The following PID1 variants were observed in gnomAD, a reference collection of about 807,000 sequenced individuals.
PID1 encodes PTB-containing, cubilin and LRP1-interacting protein.
Under a neutral mutation model 19.1 loss-of-function variants are expected in PID1, and 10 were observed. That is an observed-to-expected ratio of 0.52 (90% CI 0.32 to 0.89). The LOEUF is 0.89. Ranked by LOEUF, PID1 falls within the 40% of genes least tolerant of loss-of-function variation. PID1 has a pLI of 0.03. For missense variants in PID1, 248 were observed against 285.3 expected (o/e 0.87, Z 0.94); for synonymous variants, 130 against 116.0 (o/e 1.12, Z -0.78).
chr2:229,119,700 A>G (rs1161200298), intron 2 of PID1, among the ~76,000 whole-genome samples: 1 of 152,258 alleles, frequency 6.6e-6, no homozygotes. Context: ...AAGTTGACTA[A>G]GCAGCAGGCT....
chr2:229,116,039 C>A (rs1321233791), intron 2 of PID1, among the ~76,000 whole-genome samples: 1 of 151,800 alleles, frequency 6.6e-6, no homozygotes, highest in Non-Finnish European at 1.5e-5. Flanking sequence ...CTGGCTAACA[C>A]GGTAAAACCC....
intron 2 of PID1, among the ~76,000 whole-genome samples, chr2:229,153,300 C>G (rs558897313): frequency 1.1e-4 from 16 of 152,278 alleles, no homozygotes; most frequent in African/African-American, 3.9e-4. Flanking sequence ...GGTTTTCTTC[C>G]TTCAGATAGA....
intron 2 of PID1, among the ~76,000 whole-genome samples, chr2:229,148,569 G>C (rs1216286340): frequency 6.6e-6 from 1 of 152,122 alleles, no homozygotes; most frequent in East Asian, 1.9e-4. Context: ...GATTCTGCTA[G>C]GTCCTTGGTC....
At chr2:229,235,494 T>A (rs1692305514) in intron 1 of PID1, among the ~76,000 whole-genome samples, 1 of 92,470 alleles carries the variant, frequency 1.1e-5, no homozygotes, top group South Asian at 2.7e-4. Context: ...TATGTTTATG[T>A]GTTTTTTTTT....
chr2:229,088,576 C>A (rs572950672), intron 2 of PID1, among the ~76,000 whole-genome samples: 188 of 152,244 alleles, frequency 1.2e-3, no homozygotes, highest in Non-Finnish European at 2.0e-3. Flanking sequence ...TTGTTCTCAA[C>A]CTTCAGTCAT....
At chr2:229,166,964 AGGAAGGGGAAGGGGAAGG>A (rs57225131) in intron 1 of PID1, among the ~76,000 whole-genome samples, 26 of 145,998 alleles carry the variant, frequency 1.8e-4, no homozygotes, top group South Asian at 4.6e-4. Context: ...AAGAAAAGAA[AGGAAGGGGAAGGGGAAGG>A]GGAAGGGGAA....
intron 2 of PID1, among the ~76,000 whole-genome samples, chr2:229,084,875 A>C (rs1694735834): frequency 1.0e-5 from 1 of 100,008 alleles, no homozygotes; most frequent in Admixed American, 1.1e-4. Context: ...ACAGCGAGCA[A>C]GCAGTTAGGA....
At chr2:229,087,285 T>C (rs1049035825) in intron 2 of PID1, among the ~76,000 whole-genome samples, 2 of 152,156 alleles carry the variant, frequency 1.3e-5, no homozygotes, top group African/African-American at 4.8e-5. Flanking sequence ...ACTCAGCATA[T>C]TTTTAAGAGT....
chr2:229,077,888 G>A (rs1188645067), intron 2 of PID1, among the ~76,000 whole-genome samples: 1 of 152,150 alleles, frequency 6.6e-6, no homozygotes, highest in Non-Finnish European at 1.5e-5. Flanking sequence ...GGTTCCATGT[G>A]AAATTTAAAA....
At chr2:229,078,096 C>T (rs1694597624) in intron 2 of PID1, among the ~76,000 whole-genome samples, 1 of 152,130 alleles carries the variant, frequency 6.6e-6, no homozygotes, top group Non-Finnish European at 1.5e-5. Flanking sequence ...GTTTGTAGTT[C>T]TCCTTGAAGG....
chr2:229,229,402 A>C (rs1428879136), intron 1 of PID1, among the ~76,000 whole-genome samples: 3 of 152,140 alleles, frequency 2.0e-5, no homozygotes, highest in Non-Finnish European at 4.4e-5. Context: ...CCAAAAATAA[A>C]ATGTTTAAAA....
At chr2:229,044,492 C>T (rs1299775593) in intron 2 of PID1, among the ~76,000 whole-genome samples, 5 of 152,160 alleles carry the variant, frequency 3.3e-5, no homozygotes, top group Non-Finnish European at 7.3e-5. Context: ...CCTCTCCTTC[C>T]TATCTTAGAG....
chr2:229,112,242 A>G (rs1695313131), intron 2 of PID1, among the ~76,000 whole-genome samples: 1 of 152,136 alleles, frequency 6.6e-6, no homozygotes, highest in Non-Finnish European at 1.5e-5. Flanking sequence ...ACTAAACAAA[A>G]CCACATTCTA....
intron 1 of PID1, among the ~76,000 whole-genome samples, chr2:229,268,477 C>T (rs913059965): frequency 6.6e-6 from 1 of 152,142 alleles, no homozygotes; most frequent in Non-Finnish European, 1.5e-5. Context: ...TTTCTTCCAT[C>T]CCCTCTTTTG....
intron 2 of PID1, among the ~76,000 whole-genome samples, chr2:229,115,267 G>A (rs1695387071): frequency 1.3e-5 from 2 of 152,004 alleles, no homozygotes; most frequent in Non-Finnish European, 2.9e-5. Flanking sequence ...AACACTTTGG[G>A]AGGCCATGGC....
intron 1 of PID1, among the ~76,000 whole-genome samples, chr2:229,168,923 C>A (rs566607409): frequency 3.9e-5 from 6 of 152,166 alleles, no homozygotes; most frequent in African/African-American, 1.4e-4. Context: ...CTAGCATTAG[C>A]TTGTCCTTAA....
chr2:229,223,339 G>GT (rs1461876520), intron 1 of PID1, among the ~76,000 whole-genome samples: 4 of 152,118 alleles, frequency 2.6e-5, no homozygotes, highest in African/African-American at 9.7e-5. Flanking sequence ...TTTCTCAAAT[G>GT]TGTTTACTAA....
chr2:229,081,518 G>A (rs1053059252), intron 2 of PID1, among the ~76,000 whole-genome samples: 1 of 152,188 alleles, frequency 6.6e-6, no homozygotes, highest in Non-Finnish European at 1.5e-5. Flanking sequence ...CCAGCAGAGA[G>A]CCACTGAAGG....
At chr2:229,080,614 C>T (rs948496701) in intron 2 of PID1, among the ~76,000 whole-genome samples, 1 of 152,200 alleles carries the variant, frequency 6.6e-6, no homozygotes, top group East Asian at 1.9e-4. Flanking sequence ...GCATGTCTTT[C>T]TCTAGGAACC....
Sources: allele counts gnomAD v4.1 joint callset (sites outside exome capture counted in the v4.1 genomes callset), GRCh38; gene constraint gnomAD v4.1.1; transcripts MANE v1.5; gene names NCBI Gene and HGNC (gene_info 2026-07-23, HGNC 2026-07-21).